CYBRD1: variants seen among roughly 807,000 people sequenced by gnomAD.
CYBRD1 encodes the protein plasma membrane ascorbate-dependent reductase CYBRD1.
In CYBRD1, 14 loss-of-function variants were observed where a neutral mutation model predicts 21.9. The ratio of observed to expected loss-of-function variants is 0.64; its 90% CI spans 0.42 to 1.00. The LOEUF is 1.00. CYBRD1 is among the 50% of genes least tolerant of loss of function. The probability of loss-of-function intolerance (pLI) is 0.00; values close to 1 mark genes in which losing one functional copy is unlikely to be tolerated. For missense variants in CYBRD1, 328 were observed against 352.5 expected, an observed-to-expected ratio of 0.93 and a Z score of 0.56; for synonymous variants, 146 against 136.5, an observed-to-expected ratio of 1.07 and a Z score of -0.48.
At position 171,540,209 on chromosome 2, in the gene CYBRD1, T is replaced by C. The variant is rs532392148; in HGVS notation, c.194-1376T>C. ...CACGAAGGCAACTACTATCCTGACTTTTCCAATGCAGAGATGAGTTTTGCT... is the reference window on the plus strand; with the variant it reads ...CACGAAGGCAACTACTATCCTGACTCTTCCAATGCAGAGATGAGTTTTGCT... On this transcript the variant is annotated intron_variant, in intron 1 of 3. Transcript: ENST00000321348. Among the ~76,000 whole-genome samples the C allele has an allele frequency of 1.1e-4, 16 of 152,318 alleles. No individual in the cohort carries two copies. In the East Asian group the frequency reaches 3.1e-3, roughly 29 times the overall value.
Position 171,558,037 on chromosome 2 carries a change from T to C in CYBRD1, c.*3210T>C, listed in dbSNP as rs960935871. 4 of 152,040 alleles carry C rather than the reference T, an allele frequency of 2.6e-5. No homozygotes were observed. The highest frequency in any genetic ancestry group is 5.9e-5 in the Non-Finnish European group (4 of 68,012). The allele number at this position is 152,040 out of a possible 1,614,324, so 9.4% of individuals were successfully genotyped here. ...TCTTAGCGCATTTATGGAAAAAATA[T>C]TAACTATCCTGAATATTTTATAATT... On this transcript the variant is annotated 3_prime_UTR_variant, in exon 4 of 4. Coordinates refer to ENST00000321348, the MANE Select transcript of CYBRD1 (RefSeq NM_024843.4).
rs2105350026 is a variant in CYBRD1 at position 171,556,349 on chromosome 2, G to T, written c.*1522G>T. ...AGCTTTGGGTTCTCAGTAGTGAATT[G>T]AGACTTGGAGGTGACTTTTCATGTT... On this transcript the variant is annotated 3_prime_UTR_variant, in exon 4 of 4. Coordinates refer to ENST00000321348, the MANE Select transcript of CYBRD1 (RefSeq NM_024843.4). 1 of 152,302 alleles carries T rather than the reference G, an allele frequency of 6.6e-6. No individual in the cohort carries two copies. Among genetic ancestry groups the T allele is most frequent in the East Asian group, 1.9e-4 (1 of 5,184 alleles). 9.4% of individuals were successfully genotyped at this position (152,302 alleles called of 1,614,324 possible). A position where few individuals can be genotyped will look rare whatever the true frequency, so the allele number is the denominator to read the frequency against.
chr2:171,537,778 A>C (rs1350340775), intron 1 of CYBRD1, among the ~76,000 whole-genome samples: 2 of 152,194 alleles, frequency 1.3e-5, no homozygotes, highest in Admixed American at 1.3e-4. Flanking sequence ...CTAGTGTTCT[A>C]TATAGCACTG....
rs1016212810 is a variant in CYBRD1 at position 171,557,906 on chromosome 2, T to C, written c.*3079T>C. 7 of 152,292 alleles carry C rather than the reference T, an allele frequency of 4.6e-5. No homozygotes were observed. In the East Asian group the frequency reaches 1.3e-3, roughly 29 times the overall value. The allele number at this position is 152,292 out of a possible 1,614,324, so 9.4% of individuals were successfully genotyped here. ...TTTTTAGATAACTCCAGCAGGAAAC[T>C]GTAACTGCTATGTCTTTAGGAAAAT... On this transcript the variant is annotated 3_prime_UTR_variant, in exon 4 of 4. Coordinates refer to ENST00000321348, the MANE Select transcript of CYBRD1 (RefSeq NM_024843.4).
At chr2:171,532,546 T>C (rs1697482935) in intron 1 of CYBRD1, among the ~76,000 whole-genome samples, 2 of 152,200 alleles carry the variant, frequency 1.3e-5, no homozygotes, top group African/African-American at 4.8e-5. Context: ...ATGCCTGTAA[T>C]TCTAGCACTT....
chr2:171,537,692 A>G (rs1697565740), intron 1 of CYBRD1, among the ~76,000 whole-genome samples: 1 of 152,228 alleles, frequency 6.6e-6, no homozygotes, highest in Non-Finnish European at 1.5e-5. Flanking sequence ...TGAAGAGTAT[A>G]TGAGATTTCT....
chr2:171,522,889 G>C lies in CYBRD1; in HGVS notation c.193+151G>C, dbSNP rs576298473. On this transcript the variant is annotated intron_variant, in intron 1 of 3. Transcript: ENST00000321348. This position sits in a 1 kb window ranked among gnomAD's most constrained non-coding sequence, Gnocchi z 4.3. Reference sequence around the variant, plus strand: ...TGAGGAGCGCGCGGGAAGCCAAGTCGGCTGGGCGGGAGGGAGGCTGGCTGG... The same window carrying C: ...TGAGGAGCGCGCGGGAAGCCAAGTCCGCTGGGCGGGAGGGAGGCTGGCTGG... 7.6e-7 allele frequency: 1 copy of C among 1,312,056 alleles called. No individual in the cohort carries two copies. Among genetic ancestry groups the C allele is most frequent in the African/African-American group, 1.5e-5 (1 of 68,772 alleles). The allele number at this position is 1,312,056 out of a possible 1,614,324, so 81.3% of individuals were successfully genotyped here. A position where few individuals can be genotyped will look rare whatever the true frequency, so the allele number is the denominator to read the frequency against.
At chr2:171,524,890 G>T in intron 1 of CYBRD1, among the ~76,000 whole-genome samples, 1 of 152,184 alleles carries the variant, frequency 6.6e-6, no homozygotes, top group East Asian at 1.9e-4. Context: ...GGACAAAAAT[G>T]TGTAAATTTT....
chr2:171,528,093 TA>T (rs1407967705), intron 1 of CYBRD1, among the ~76,000 whole-genome samples: 3 of 148,154 alleles, frequency 2.0e-5, no homozygotes, highest in African/African-American at 7.3e-5. Flanking sequence ...TATTTTATTT[TA>T]TTTTTTTTGA....
chr2:171,529,197 C>G (rs1323183222), intron 1 of CYBRD1, among the ~76,000 whole-genome samples: 1 of 152,124 alleles, frequency 6.6e-6, no homozygotes, highest in Non-Finnish European at 1.5e-5. Context: ...GTATACAGCA[C>G]CCACCAGGGT....
In CYBRD1 at chr2:171,555,905, TTTTTGTC is replaced by T. The variant is rs1683479374; in HGVS notation, c.*1081_*1087del. Reference sequence around the variant, plus strand: ...GGATTCTAACCATTTCACTAAGCTATTTTTGTCTTGTACTACTTTGACCCACCCCTGA... The same window carrying T: ...GGATTCTAACCATTTCACTAAGCTATTTGTACTACTTTGACCCACCCCTGA... On this transcript the variant is annotated 3_prime_UTR_variant, in exon 4 of 4. Transcript: ENST00000321348. 6.6e-6 allele frequency: 1 copy of T among 152,212 alleles called. No homozygotes were observed. Among genetic ancestry groups the T allele is most frequent in the Admixed American group, 6.5e-5 (1 of 15,280 alleles). 9.4% of individuals were successfully genotyped at this position (152,212 alleles called of 1,614,324 possible). A position where few individuals can be genotyped will look rare whatever the true frequency, so the allele number is the denominator to read the frequency against.
intron 2 of CYBRD1, among the ~76,000 whole-genome samples, chr2:171,544,401 G>A (rs969700315): frequency 6.6e-6 from 1 of 151,776 alleles, no homozygotes; most frequent in Non-Finnish European, 1.5e-5. Context: ...TCTTTGTTTT[G>A]TTTTCTTTTG....
intron 1 of CYBRD1, among the ~76,000 whole-genome samples, chr2:171,530,816 G>A (rs1697454070): frequency 6.6e-6 from 1 of 152,106 alleles, no homozygotes; most frequent in South Asian, 2.1e-4. Flanking sequence ...TCCTGCTAGG[G>A]TTTTCTGACT....
At chr2:171,539,856 A>G (rs6741930) in intron 1 of CYBRD1, 109,976 of 151,876 alleles carry the variant, frequency 0.72, 39,988 homozygotes, top group East Asian at 0.9. Flanking sequence ...AGCCTCCCAA[A>G]TAGCTGAGAT....
chr2:171,546,602 T>C (rs1697719411), intron 2 of CYBRD1, among the ~76,000 whole-genome samples: 1 of 152,220 alleles, frequency 6.6e-6, no homozygotes, highest in Non-Finnish European at 1.5e-5. Context: ...GTGATACCTG[T>C]TCCACAAGAC....
intron 1 of CYBRD1, among the ~76,000 whole-genome samples, chr2:171,533,001 A>G (rs1697492424): frequency 6.6e-6 from 1 of 152,068 alleles, no homozygotes; most frequent in Non-Finnish European, 1.5e-5. Context: ...AAAGTAAAAG[A>G]GGATTTGCTC....
intron 1 of CYBRD1, among the ~76,000 whole-genome samples, chr2:171,538,632 T>C (rs1697580050): frequency 6.6e-6 from 1 of 152,184 alleles, no homozygotes; most frequent in African/African-American, 2.4e-5. Context: ...TGGTGAGGAC[T>C]GTTAAGTGTT....
intron 2 of CYBRD1, among the ~76,000 whole-genome samples, chr2:171,545,730 A>G (rs1461808520): frequency 6.6e-6 from 1 of 151,920 alleles, no homozygotes; most frequent in African/African-American, 2.4e-5. Context: ...TAATCATAAC[A>G]TATTTTTGTG....
chr2:171,549,444 A>T (rs187280333), intron 2 of CYBRD1, among the ~76,000 whole-genome samples: 9 of 152,360 alleles, frequency 5.9e-5, no homozygotes, highest in African/African-American at 1.9e-4. Flanking sequence ...AGTAATACAC[A>T]TTAATGTTAA....
Sources: allele counts gnomAD v4.1 joint callset (sites outside exome capture counted in the v4.1 genomes callset), GRCh38; gene constraint gnomAD v4.1.1; non-coding constraint Gnocchi (gnomAD v3.1); transcripts MANE v1.5; gene names NCBI Gene and HGNC (gene_info 2026-07-23, HGNC 2026-07-21).